The following CACNA2D3 variants were observed in gnomAD, a reference collection of about 807,000 sequenced individuals.
The protein encoded by CACNA2D3 is calcium voltage-gated channel auxiliary subunit alpha2delta 3, also known as voltage-dependent calcium channel subunit alpha-2/delta-3.
A neutral mutation model predicts 160.6 loss-of-function variants in CACNA2D3; 60 were observed. That is an observed-to-expected ratio of 0.37 (90% CI 0.30 to 0.46). The LOEUF (loss-of-function observed/expected upper bound fraction) is 0.46, where lower values mean the gene tolerates loss of function less well. CACNA2D3 is among the 20% of genes least tolerant of loss of function. The pLI is 1.00. For missense variants in CACNA2D3, 1,205 were observed against 1,365.0 expected (o/e 0.88, Z 1.85); for synonymous variants, 558 against 492.9 (o/e 1.13, Z -1.75).
intron 35 of CACNA2D3, among the ~76,000 whole-genome samples, chr3:55,070,076 C>A (rs1458190917): frequency 6.6e-6 from 1 of 152,200 alleles, no homozygotes; most frequent in Non-Finnish European, 1.5e-5. Flanking sequence ...TGAGAAGTTG[C>A]TCTATCCCAG....
chr3:54,741,562 G>C (rs1173445182), intron 11 of CACNA2D3, among the ~76,000 whole-genome samples: 1 of 151,240 alleles, frequency 6.6e-6, no homozygotes, highest in Non-Finnish European at 1.5e-5. Context: ...GGCCAACATG[G>C]TGAAACCCCA....
intron 13 of CACNA2D3, among the ~76,000 whole-genome samples, chr3:54,767,467 T>C (rs979405692): frequency 3.3e-5 from 5 of 152,140 alleles, no homozygotes; most frequent in African/African-American, 4.8e-5. Flanking sequence ...GTGTAAATGC[T>C]GAAGACAGGG....
intron 4 of CACNA2D3, among the ~76,000 whole-genome samples, chr3:54,475,397 A>T (rs1188302420): frequency 1.3e-5 from 2 of 152,212 alleles, no homozygotes; most frequent in Non-Finnish European, 2.9e-5. Context: ...TCTCAATTGC[A>T]GCAAGAGGAA....
intron 4 of CACNA2D3, among the ~76,000 whole-genome samples, chr3:54,420,040 A>G (rs1245228812): frequency 1.3e-5 from 2 of 152,020 alleles, no homozygotes; most frequent in Non-Finnish European, 2.9e-5. Context: ...TGCTGGGATT[A>G]CAGGCGTGAG....
intron 16 of CACNA2D3, among the ~76,000 whole-genome samples, chr3:54,840,821 C>T (rs1698803512): frequency 6.7e-6 from 1 of 148,152 alleles, no homozygotes; most frequent in Non-Finnish European, 1.5e-5. Context: ...CTCCTGGGTT[C>T]ACGCCATTCT....
chr3:54,855,361 T>C (rs72874299), intron 17 of CACNA2D3, among the ~76,000 whole-genome samples: 2,799 of 152,270 alleles, frequency 0.018, 82 homozygotes, highest in African/African-American at 0.062. Context: ...TGTTTCTAAC[T>C]TCAGGGTGCT....
At chr3:54,176,996 G>C (rs1013136333) in intron 2 of CACNA2D3, among the ~76,000 whole-genome samples, 1 of 152,174 alleles carries the variant, frequency 6.6e-6, no homozygotes, top group African/African-American at 2.4e-5. Context: ...CTCCTTCTTT[G>C]CAACTTGGGG....
intron 4 of CACNA2D3, among the ~76,000 whole-genome samples, chr3:54,408,190 C>A (rs1699608399): frequency 6.6e-6 from 1 of 152,112 alleles, no homozygotes; most frequent in African/African-American, 2.4e-5. Context: ...TATCACAGTG[C>A]TTGACAAGGA....
intron 2 of CACNA2D3, among the ~76,000 whole-genome samples, chr3:54,303,244 G>A (rs917047842): frequency 1.3e-5 from 2 of 152,154 alleles, no homozygotes; most frequent in Non-Finnish European, 2.9e-5. Context: ...ACTCAGCATA[G>A]TATCTGGCAC....
In CACNA2D3 at chr3:55,049,999, C is replaced by A. The variant is rs1428303549; in HGVS notation, c.2988-23446C>A. ...TTTTATTTTGAGCCTATGTGTGTCT[C>A]TGCACGTGAGATGGGTTTCCTGAAT... On this transcript the variant is annotated intron_variant, in intron 35 of 37. Coordinates refer to ENST00000474759, the MANE Select transcript of CACNA2D3 (RefSeq NM_018398.3). 2.7e-5 allele frequency among the ~76,000 whole-genome samples: 4 copies of A among 150,794 alleles called. No homozygotes were observed. In the East Asian group the frequency reaches 5.8e-4, roughly 22 times the overall value.
intron 5 of CACNA2D3, among the ~76,000 whole-genome samples, chr3:54,512,252 C>T (rs1432271986): frequency 6.6e-6 from 1 of 152,140 alleles, no homozygotes; most frequent in East Asian, 1.9e-4. Context: ...ATCCTTGCTG[C>T]CTCCATGTTG....
intron 2 of CACNA2D3, among the ~76,000 whole-genome samples, chr3:54,271,881 C>T (rs1249356891): frequency 6.6e-6 from 1 of 152,210 alleles, no homozygotes; most frequent in East Asian, 1.9e-4. Flanking sequence ...GTAACAAATT[C>T]ACTCCAAAAG....
At chr3:55,017,784 A>G (rs1575437378) in intron 34 of CACNA2D3, among the ~76,000 whole-genome samples, 2 of 152,338 alleles carry the variant, frequency 1.3e-5, no homozygotes, top group East Asian at 3.9e-4. Context: ...ACTATTTCAT[A>G]TTTCAATTTT....
chr3:54,894,604 T>C (rs1462216445), intron 25 of CACNA2D3: 3 of 516,312 alleles, frequency 5.8e-6, no homozygotes, highest in Middle Eastern at 6.3e-4. Flanking sequence ...TAATGACCAC[T>C]GAACAGACCT....
At chr3:55,022,987 C>G (rs1703492882) in intron 35 of CACNA2D3, among the ~76,000 whole-genome samples, 1 of 151,876 alleles carries the variant, frequency 6.6e-6, no homozygotes, top group African/African-American at 2.4e-5. Context: ...TTTATAGTTA[C>G]TCTTTAATTT....
chr3:54,123,454 C>A, intron 1 of CACNA2D3, 59 bp from the exon 2 acceptor site: 2 of 1,101,244 alleles, frequency 1.8e-6, no homozygotes, highest in Non-Finnish European at 2.8e-6. Flanking sequence ...TGTGCGTGTG[C>A]GTGCGTGTTG....
At chr3:54,241,436 G>A (rs1455964881) in intron 2 of CACNA2D3, among the ~76,000 whole-genome samples, 1 of 152,156 alleles carries the variant, frequency 6.6e-6, no homozygotes, top group African/African-American at 2.4e-5. Context: ...TCAAACCCAG[G>A]CCATCTGGCT....
chr3:54,859,450 T>C (rs1269145614), intron 17 of CACNA2D3, among the ~76,000 whole-genome samples: 1 of 152,168 alleles, frequency 6.6e-6, no homozygotes, highest in African/African-American at 2.4e-5. Flanking sequence ...GAAACACTAA[T>C]ACATTTGGAA....
At chr3:55,036,317 C>T (rs1466912789) in intron 35 of CACNA2D3, among the ~76,000 whole-genome samples, 6 of 151,888 alleles carry the variant, frequency 4.0e-5, no homozygotes, top group African/African-American at 2.4e-5. Context: ...CATGATGGTA[C>T]GCACCTGTAA....
Sources: gnomAD v4.1 joint callset for allele counts (sites outside exome capture counted in the v4.1 genomes callset) on GRCh38, gnomAD v4.1.1 for gene constraint, MANE v1.5 for transcripts, NCBI Gene and HGNC (gene_info 2026-07-23, HGNC 2026-07-21) for gene names.